Variants in PTCD2 observed in about 807,000 individuals in gnomAD.
PTCD2 encodes pentatricopeptide repeat domain 2.
In PTCD2, 31 loss-of-function variants were observed where a neutral mutation model predicts 42.6. That is an observed-to-expected ratio of 0.73 (90% CI 0.55 to 0.98). PTCD2 has a LOEUF of 0.98. PTCD2 is among the 50% of genes least tolerant of loss of function. PTCD2 has a pLI of 0.00. For missense variants in PTCD2, 476 were observed against 454.8 expected (o/e 1.05, Z -0.42); for synonymous variants, 183 against 170.9 (o/e 1.07, Z -0.55).
chr5:72,322,890 A>T (rs1750937485), intron 2 of PTCD2, among the ~76,000 whole-genome samples: 1 of 152,250 alleles, frequency 6.6e-6, no homozygotes, highest in African/African-American at 2.4e-5. Context: ...ATGATGGCTC[A>T]TGCCTGTAAC....
chr5:72,337,394 C>T (rs1406131473), intron 6 of PTCD2, among the ~76,000 whole-genome samples: 1 of 151,594 alleles, frequency 6.6e-6, no homozygotes, highest in Middle Eastern at 3.2e-3. Flanking sequence ...AAAAAAAAAA[C>T]ACCACACAGC....
intron 8 of PTCD2, among the ~76,000 whole-genome samples, chr5:72,351,778 C>T (rs907690161): frequency 2.0e-4 from 31 of 152,064 alleles, no homozygotes; most frequent in African/African-American, 6.5e-4. Flanking sequence ...GTCCCTCCCC[C>T]GACACTGGAG....
At chr5:72,324,073 T>G (rs1047018787) in intron 2 of PTCD2, among the ~76,000 whole-genome samples, 26 of 152,158 alleles carry the variant, frequency 1.7e-4, no homozygotes, top group African/African-American at 6.0e-4. Flanking sequence ...GGGAATATAT[T>G]TATCCCCAGT....
chr5:72,329,445 G>T (rs2112140839), intron 3 of PTCD2, among the ~76,000 whole-genome samples: 1 of 152,298 alleles, frequency 6.6e-6, no homozygotes, highest in East Asian at 1.9e-4. Context: ...AGACCCTCTT[G>T]AACATTTCTT....
intron 8 of PTCD2, among the ~76,000 whole-genome samples, chr5:72,348,657 TTTCCAC>T (rs573706024): frequency 9.0e-4 from 137 of 152,354 alleles, no homozygotes; most frequent in Non-Finnish European, 1.4e-3. Context: ...AAAGAATTAA[TTTCCAC>T]TTCCAAATAT....
At chr5:72,340,589 G>T (rs992621528) in intron 7 of PTCD2, among the ~76,000 whole-genome samples, 2 of 152,144 alleles carry the variant, frequency 1.3e-5, no homozygotes, top group African/African-American at 4.8e-5. Flanking sequence ...GGTGCTAGTT[G>T]TTTTTCCAGT....
chr5:72,320,629 C>G, intron 1 of PTCD2, 120 bp downstream of exon 1: 1 of 1,410,298 alleles, frequency 7.1e-7, no homozygotes, highest in Non-Finnish European at 9.7e-7. Flanking sequence ...GCCTGGAGCG[C>G]ACCCTCGCCC....
chr5:72,356,462 T>C (rs530643118), intron 9 of PTCD2, among the ~76,000 whole-genome samples: 4 of 151,846 alleles, frequency 2.6e-5, no homozygotes, highest in Admixed American at 2.0e-4. Context: ...TAAATATATA[T>C]GTGTGAGATT....
intron 9 of PTCD2, 123 bp downstream of exon 9, chr5:72,352,877 G>T: frequency 1.7e-6 from 1 of 579,900 alleles, no homozygotes; most frequent in South Asian, 2.4e-5. Flanking sequence ...CTTCTCTGTT[G>T]TTCCTGTTTT....
intron 4 of PTCD2, among the ~76,000 whole-genome samples, chr5:72,333,329 A>G (rs191186550): frequency 5.5e-4 from 83 of 152,164 alleles, no homozygotes; most frequent in Admixed American, 9.2e-4. Context: ...CCTTCCATCC[A>G]TCTTCTCTAC....
chr5:72,343,779 A>C (rs1752203061), intron 8 of PTCD2, among the ~76,000 whole-genome samples: 1 of 152,164 alleles, frequency 6.6e-6, no homozygotes, highest in South Asian at 2.1e-4. Context: ...GCAGTGTGTC[A>C]CAAAACCTTC....
intron 8 of PTCD2, among the ~76,000 whole-genome samples, chr5:72,345,853 A>G (rs138137064): frequency 6.3e-4 from 96 of 152,358 alleles, no homozygotes; most frequent in African/African-American, 2.0e-3. Flanking sequence ...TAAAAGGAAT[A>G]TTCATTTGTA....
intron 8 of PTCD2, among the ~76,000 whole-genome samples, chr5:72,345,957 C>A (rs1752337594): frequency 6.6e-6 from 1 of 152,136 alleles, no homozygotes; most frequent in African/African-American, 2.4e-5. Flanking sequence ...CAGTTCTGCC[C>A]ATAGTAGTTA....
At chr5:72,344,390 T>A (rs1375904703) in intron 8 of PTCD2, among the ~76,000 whole-genome samples, 1 of 151,990 alleles carries the variant, frequency 6.6e-6, no homozygotes, top group Admixed American at 6.6e-5. Context: ...CACTTGCCTG[T>A]AGGTCCCAGC....
rs1252725270 is a variant in PTCD2 at position 72,368,149 on chromosome 5, T to C, written c.*9722T>C. 2 of 152,238 alleles carry C rather than the reference T, an allele frequency of 1.3e-5. No individual in the cohort carries two copies. The highest frequency in any genetic ancestry group is 2.9e-5 in the Non-Finnish European group (2 of 68,050). 9.4% of individuals were successfully genotyped at this position (152,238 alleles called of 1,614,324 possible). A position where few individuals can be genotyped will look rare whatever the true frequency, so the allele number is the denominator to read the frequency against. ...GACATGACTTTTAGGTTGTTGATGA[T>C]TTAATGCTATTGAAATGTTCTTATA... On this transcript the variant is annotated 3_prime_UTR_variant, in exon 10 of 10. Coordinates refer to ENST00000380639, the MANE Select transcript of PTCD2 (RefSeq NM_024754.5).
At chr5:72,332,030 A>G (rs1293753736) in intron 4 of PTCD2, among the ~76,000 whole-genome samples, 1 of 152,182 alleles carries the variant, frequency 6.6e-6, no homozygotes. Context: ...TGATTACTAG[A>G]TGCCATGTAG....
At chr5:72,336,039 C>T (rs1336965323) in intron 6 of PTCD2, among the ~76,000 whole-genome samples, 154 bp downstream of exon 6, 1 of 152,172 alleles carries the variant, frequency 6.6e-6, no homozygotes, top group East Asian at 1.9e-4. Context: ...TTAGAAAACT[C>T]AAGTTAGCCA....
Position 72,339,350 on chromosome 5 carries a change from A to T in PTCD2, c.753+615A>T, listed in dbSNP as rs151108837. On this transcript the variant is annotated intron_variant, in intron 7 of 9. Transcript: ENST00000380639. ...CCTATTCCAGAGCCTAAAAAATATGAAATGCTTTACATGTTTCCTATGTAG... is the reference window on the plus strand; with the variant it reads ...CCTATTCCAGAGCCTAAAAAATATGTAATGCTTTACATGTTTCCTATGTAG... Among the ~76,000 whole-genome samples the T allele has an allele frequency of 4.3e-4, 66 of 152,344 alleles. No homozygotes were observed. The East Asian group carries it at 0.011, about 25-fold the overall frequency.
chr5:72,335,810 G>C lies in PTCD2; in HGVS notation c.564G>C (p.Leu188Phe). 6 of 1,613,490 alleles carry C rather than the reference G, an allele frequency of 3.7e-6. No individual in the cohort carries two copies. Among genetic ancestry groups the C allele is most frequent in the Non-Finnish European group, 5.1e-6 (6 of 1,179,434 alleles). The change falls in exon 6 of 10, where the codon TTG becomes TTC. Residue 188 changes from leucine to phenylalanine, a missense_variant. Physicochemically the swap from Leu to Phe is conservative, Grantham distance 22. Coordinates refer to ENST00000380639, the MANE Select transcript of PTCD2 (RefSeq NM_024754.5). The stretch of plus-strand genomic sequence containing the variant: ...TTTTGGCAGGTGCTTTGCAAGTATT[G>C]ATAGAGATGAAAAACCAAGATGTGA... Reference protein sequence around the residue: ...KGKYKSALQVLIEMKNQDVKF... With the variant: ...KGKYKSALQVFIEMKNQDVKF...
Sources: gnomAD v4.1 joint callset for allele counts (sites outside exome capture counted in the v4.1 genomes callset) on GRCh38, gnomAD v4.1.1 for gene constraint, MANE v1.5 for transcripts, NCBI Gene and HGNC (gene_info 2026-07-23, HGNC 2026-07-21) for gene names.